The following FGGY variants were observed in gnomAD, a reference collection of about 807,000 sequenced individuals.
The protein encoded by FGGY is FGGY carbohydrate kinase domain containing.
FGGY carries 72 observed loss-of-function variants against 71.3 expected under a neutral mutation model. The observed-to-expected ratio is 1.01, with a 90% CI of 0.84 to 1.23. The LOEUF is 1.23. Among genes scored for constraint, FGGY ranks in the 50% most tolerant of loss-of-function variants. The probability of loss-of-function intolerance (pLI) is 0.00; values close to 1 mark genes in which losing one functional copy is unlikely to be tolerated. For synonymous variants in FGGY, 251 were observed against 250.3 expected (o/e 1.00, Z -0.02); for missense variants, 668 against 682.3 (o/e 0.98, Z 0.23).
At chr1:59,623,383 A>C (rs1201742104) in intron 9 of FGGY, among the ~76,000 whole-genome samples, 1 of 152,162 alleles carries the variant, frequency 6.6e-6, no homozygotes, top group Non-Finnish European at 1.5e-5. Flanking sequence ...TCTGTAATTT[A>C]ACCTACAGTA....
intron 14 of FGGY, among the ~76,000 whole-genome samples, chr1:59,700,799 A>G (rs928495320): frequency 6.6e-6 from 1 of 152,212 alleles, no homozygotes; most frequent in African/African-American, 2.4e-5. Flanking sequence ...CAAAAATGGA[A>G]TGACAGACTG....
chr1:59,660,545 A>G (rs1281811589), intron 12 of FGGY: 3 of 320,022 alleles, frequency 9.4e-6, no homozygotes, highest in East Asian at 5.3e-5. Flanking sequence ...TCATTTATCT[A>G]ATTTGTCTTC....
At chr1:59,437,154 G>A (rs781184820) in intron 5 of FGGY, among the ~76,000 whole-genome samples, 1 of 152,138 alleles carries the variant, frequency 6.6e-6, no homozygotes, top group Non-Finnish European at 1.5e-5. Context: ...AGATAGAATG[G>A]GTGGCAGATT....
chr1:59,609,576 AG>A (rs1483208786), intron 9 of FGGY, among the ~76,000 whole-genome samples: 4 of 152,234 alleles, frequency 2.6e-5, no homozygotes, highest in Admixed American at 6.5e-5. Flanking sequence ...AGTGAGACCT[AG>A]GCTCAGTTAC....
At chr1:59,573,465 C>T (rs959899703) in intron 8 of FGGY, among the ~76,000 whole-genome samples, 1 of 151,678 alleles carries the variant, frequency 6.6e-6, no homozygotes, top group Admixed American at 6.6e-5. Context: ...TATATATGTT[C>T]ATATATATAC....
At chr1:59,627,636 C>T (rs2153848031) in intron 10 of FGGY, among the ~76,000 whole-genome samples, 1 of 151,830 alleles carries the variant, frequency 6.6e-6, no homozygotes, top group South Asian at 2.1e-4. Flanking sequence ...ATGTGTGTAC[C>T]TAGCTCACAG....
At chr1:59,592,036 C>T (rs1430351568) in intron 8 of FGGY, among the ~76,000 whole-genome samples, 2 of 152,180 alleles carry the variant, frequency 1.3e-5, no homozygotes, top group African/African-American at 4.8e-5. Flanking sequence ...TCGCAACCTA[C>T]TCATCTGACA....
At chr1:59,560,609 T>A (rs2095772804) in intron 8 of FGGY, among the ~76,000 whole-genome samples, 1 of 152,182 alleles carries the variant, frequency 6.6e-6, no homozygotes, top group Non-Finnish European at 1.5e-5. Flanking sequence ...AAATATTCAT[T>A]AACTATTCAC....
chr1:59,701,484 G>A (rs1050087343), intron 14 of FGGY, among the ~76,000 whole-genome samples: 28 of 152,014 alleles, frequency 1.8e-4, no homozygotes, highest in Admixed American at 1.8e-3. Flanking sequence ...CTCGTACTAG[G>A]CCCATCTATC....
chr1:59,746,669 A>G (rs762721469), intron 14 of FGGY, among the ~76,000 whole-genome samples: 1 of 151,944 alleles, frequency 6.6e-6, no homozygotes, highest in Non-Finnish European at 1.5e-5. Flanking sequence ...TTTTTATTTT[A>G]TGTTTTTGTT....
At chr1:59,673,679 T>C in intron 13 of FGGY, 1 of 238,522 alleles carries the variant, frequency 4.2e-6, no homozygotes, top group Admixed American at 4.7e-5. Flanking sequence ...ACAGTCCGAT[T>C]CATCTCAGTA....
intron 1 of FGGY, among the ~76,000 whole-genome samples, chr1:59,318,893 G>T (rs2045915682): frequency 6.6e-6 from 1 of 152,254 alleles, no homozygotes; most frequent in Non-Finnish European, 1.5e-5. Flanking sequence ...GAAGCCCAGA[G>T]AGGGGATTCC....
At chr1:59,515,156 C>A (rs566199853) in intron 7 of FGGY, among the ~76,000 whole-genome samples, 1 of 152,262 alleles carries the variant, frequency 6.6e-6, no homozygotes, top group Admixed American at 6.5e-5. Flanking sequence ...GAACCCACCT[C>A]TTGCATCAGT....
intron 4 of FGGY, among the ~76,000 whole-genome samples, chr1:59,358,049 T>A (rs749060211): frequency 6.6e-6 from 1 of 152,196 alleles, no homozygotes; most frequent in Non-Finnish European, 1.5e-5. Flanking sequence ...GAAAATACGA[T>A]CTTTATAGAA....
At chr1:59,545,049 C>T (rs1442610924) in intron 7 of FGGY, among the ~76,000 whole-genome samples, 1 of 152,206 alleles carries the variant, frequency 6.6e-6, no homozygotes, top group Non-Finnish European at 1.5e-5. Flanking sequence ...GGGGCTCCTT[C>T]CTTCTGTTAG....
chr1:59,735,941 G>C (rs1204708248), intron 14 of FGGY, among the ~76,000 whole-genome samples: 2 of 152,314 alleles, frequency 1.3e-5, no homozygotes, highest in Non-Finnish European at 2.9e-5. Context: ...TGGTTTGGCT[G>C]TGTCCCCACC....
intron 4 of FGGY, among the ~76,000 whole-genome samples, chr1:59,369,104 G>A (rs1348100401): frequency 6.6e-6 from 1 of 152,210 alleles, no homozygotes; most frequent in South Asian, 2.1e-4. Context: ...CCGAAGCAGG[G>A]CGAGGCATTG....
chr1:59,454,420 A>G (rs80176866), intron 5 of FGGY, among the ~76,000 whole-genome samples: 139 of 152,288 alleles, frequency 9.1e-4, no homozygotes, highest in African/African-American at 3.3e-3. Context: ...CACTTATTAG[A>G]GATGTATGTT....
chr1:59,483,326 C>T (rs1367622972), intron 6 of FGGY, among the ~76,000 whole-genome samples: 4 of 151,874 alleles, frequency 2.6e-5, no homozygotes, highest in Admixed American at 2.6e-4. Context: ...CTGAGTATAC[C>T]CTTTGCAGAT....
Sources: allele counts gnomAD v4.1 joint callset (sites outside exome capture counted in the v4.1 genomes callset), GRCh38; gene constraint gnomAD v4.1.1; transcripts MANE v1.5; gene names NCBI Gene and HGNC (gene_info 2026-07-23, HGNC 2026-07-21).